Variants in COL4A5 observed in about 807,000 individuals in gnomAD.
COL4A5 encodes the protein collagen type IV alpha 5 chain, also known as collagen alpha-5(IV) chain.
COL4A5 carries 26 observed loss-of-function variants against 130.2 expected under a neutral mutation model. The ratio of observed to expected loss-of-function variants is 0.20; its 90% confidence interval spans 0.15 to 0.28. The LOEUF is 0.28. Ranked by LOEUF, COL4A5 falls within the 10% of genes least tolerant of loss-of-function variation. The pLI is 1.00. For synonymous variants in COL4A5, 496 were observed against 439.6 expected, an observed-to-expected ratio of 1.13 and a Z score of -1.60; for missense variants, 1,131 against 1,344.3, an observed-to-expected ratio of 0.84 and a Z score of 2.48.
At chrX:108,649,620 G>A (rs938999892) in intron 36 of COL4A5, among the ~76,000 whole-genome samples, 2 of 110,872 alleles carry the variant, frequency 1.8e-5, no homozygotes, top group African/African-American at 3.3e-5. Context: ...TACAGCCAAC[G>A]GATCTTAGAT....
chrX:108,575,254 C>T (rs73636516), intron 9 of COL4A5, among the ~76,000 whole-genome samples: 11,632 of 111,274 alleles, frequency 0.1, 1,305 homozygotes, highest in African/African-American at 0.34. Flanking sequence ...TGTCTTTAAT[C>T]TTATCTATTT....
chrX:108,566,521 A>C (rs2065973077), intron 4 of COL4A5, among the ~76,000 whole-genome samples: 1 of 109,018 alleles, frequency 9.2e-6, no homozygotes. Flanking sequence ...TTTAGATACC[A>C]CAGCCTGAAT....
chrX:108,621,365 A>T (rs993940393), intron 31 of COL4A5, among the ~76,000 whole-genome samples: 3 of 108,305 alleles, frequency 2.8e-5, no homozygotes, highest in Non-Finnish European at 5.8e-5. Flanking sequence ...GAGTCTCACT[A>T]TGTTGCCCAG....
chrX:108,661,800 G>C (rs1180000579), intron 37 of COL4A5, among the ~76,000 whole-genome samples: 1 of 111,270 alleles, frequency 9.0e-6, no homozygotes, highest in Non-Finnish European at 1.9e-5. Flanking sequence ...TTATAGCAGG[G>C]CTATTTCCAA....
In COL4A5 at chrX:108,606,891, A is replaced by G. The variant is rs281874691; in HGVS notation, c.2394A>G (p.Lys798=). The G allele has an allele frequency of 8.3e-7, 1 of 1,210,675 alleles. No individual in the cohort carries two copies. The highest frequency in any genetic ancestry group is 1.1e-6 in the Non-Finnish European group (1 of 894,638). Residue 798 remains lysine (K), a splice_region_variant and synonymous_variant, in exon 29 of 53, where the codon AAA becomes AAG. Transcript: ENST00000328300. ...GCTTAGATGGGCTCCCTGGACCAAA[A>G]GGTATGGAGGCTGTCACTGCATCTC... is the stretch of plus-strand genomic sequence containing the variant. The part of the protein sequence containing the change: ...RTGLDGLPGP[K]GDVGPNGQPG...
At chrX:108,559,185 G>T (rs1408434389) in intron 3 of COL4A5, 32 bp downstream of exon 3, 1 of 1,069,978 alleles carries the variant, frequency 9.3e-7, no homozygotes, top group Admixed American at 2.2e-5. Flanking sequence ...AGTAATGCCA[G>T]ATGAATTAAG....
intron 1 of COL4A5, among the ~76,000 whole-genome samples, chrX:108,463,156 A>G (rs1484345357): frequency 1.8e-5 from 2 of 112,017 alleles, no homozygotes; most frequent in East Asian, 5.5e-4. Context: ...TTCTTAGTAA[A>G]AAAAAGGAAG....
At chrX:108,634,180 A>G (rs190786117) in intron 36 of COL4A5, among the ~76,000 whole-genome samples, 2 of 107,177 alleles carry the variant, frequency 1.9e-5, no homozygotes, top group East Asian at 6.0e-4. Flanking sequence ...GATAATCAAA[A>G]GAGAAAATTA....
chrX:108,464,909 C>T (rs1410844949), intron 1 of COL4A5, among the ~76,000 whole-genome samples: 1 of 112,012 alleles, frequency 8.9e-6, no homozygotes, highest in Non-Finnish European at 1.9e-5. Context: ...AAAATATCAA[C>T]TTTATTGAGG....
chrX:108,543,681 C>G (rs1228927098), intron 2 of COL4A5, among the ~76,000 whole-genome samples: 36 of 111,640 alleles, frequency 3.2e-4, no homozygotes, highest in African/African-American at 1.2e-3. Context: ...GGCATTGAAT[C>G]TATAAATTAC....
chrX:108,502,810 G>A (rs771750247), intron 1 of COL4A5, among the ~76,000 whole-genome samples: 22 of 111,295 alleles, frequency 2.0e-4, no homozygotes, highest in Non-Finnish European at 3.0e-4. Context: ...CAACCCAGTT[G>A]CTCCACAGAA....
At chrX:108,529,858 TACG>T (rs1015195130) in intron 1 of COL4A5, among the ~76,000 whole-genome samples, 1 of 110,477 alleles carries the variant, frequency 9.1e-6, no homozygotes, top group African/African-American at 3.3e-5. Flanking sequence ...AGCAAGAAGA[TACG>T]ACAACTCCAA....
At position 108,563,913 on chromosome X, in the gene COL4A5, C is replaced by T. The variant is rs752096272; in HGVS notation, c.263C>T (p.Pro88Leu). 8.3e-7 allele frequency: 1 copy of T among 1,199,466 alleles called. No homozygotes were observed. Among genetic ancestry groups the T allele is most frequent in the East Asian group, 3.0e-5 (1 of 33,559 alleles). The change falls in exon 4 of 53, where the codon CCA becomes CTA. Residue 88 changes from proline (P) to leucine (L), a missense_variant. By Grantham distance (98) the Pro-to-Leu change is moderately conservative. Coordinates refer to ENST00000328300, the MANE Select transcript of COL4A5 (RefSeq NM_033380.3). Reference sequence around the variant, plus strand: ...GATGGAATTCCAGGGCCACCAGGACCAAAAGGAATCAGAGTAAGTAGTATT... The same window carrying T: ...GATGGAATTCCAGGGCCACCAGGACTAAAAGGAATCAGAGTAAGTAGTATT... The part of the protein sequence containing the change: ...GDDGIPGPPG[P>L]KGIRGPPGLP...
chrX:108,667,329 T>C (rs1243151074), intron 40 of COL4A5, 146 bp downstream of exon 40: 1 of 510,966 alleles, frequency 2.0e-6, no homozygotes, highest in Non-Finnish European at 3.3e-6. Flanking sequence ...CGTTAAAACA[T>C]TTATTATTTA....
rs750340696 is a variant in COL4A5, at chrX:108,624,305, G to A, written c.2987G>A (p.Ser996Asn). 4.1e-6 allele frequency: 5 copies of A among 1,208,738 alleles called. No homozygotes were observed. The highest frequency in any genetic ancestry group is 5.6e-6 in the Non-Finnish European group (5 of 894,195). The part of the protein sequence containing the change: ...LPGDPGQPGL[S>N]GQPGLPGPPG... ...GGAGACCCAGGGCAACCTGGACTGA[G>A]TGGACAACCTGGATTACCAGGACCA... is the stretch of plus-strand genomic sequence containing the variant. Residue 996 changes from serine to asparagine, a missense_variant, in exon 34 of 53, where the codon AGT becomes AAT. Transcript: ENST00000328300.
chrX:108,488,289 A>G, intron 1 of COL4A5, among the ~76,000 whole-genome samples: 1 of 113,090 alleles, frequency 8.8e-6, no homozygotes, highest in Non-Finnish European at 1.9e-5. Context: ...CTATGGCTAC[A>G]TGGTATTATT....
intron 41 of COL4A5, among the ~76,000 whole-genome samples, chrX:108,669,451 A>G (rs1228234672): frequency 8.9e-6 from 1 of 112,106 alleles, no homozygotes; most frequent in Non-Finnish European, 1.9e-5. Context: ...ATTAAATGGG[A>G]TCACATACTG....
intron 30 of COL4A5, among the ~76,000 whole-genome samples, chrX:108,619,810 T>A (rs978496788): frequency 3.6e-5 from 4 of 112,192 alleles, no homozygotes; most frequent in Non-Finnish European, 7.5e-5. Flanking sequence ...TAGACCAGTG[T>A]CAAATAATCT....
intron 1 of COL4A5, among the ~76,000 whole-genome samples, chrX:108,470,319 T>C (rs34933136): frequency 0.014 from 1,522 of 112,024 alleles, 13 homozygotes; most frequent in Non-Finnish European, 0.019. Flanking sequence ...TGTTTTGTTT[T>C]GCTTTTTAAT....
Sources: gnomAD v4.1 joint callset for allele counts (sites outside exome capture counted in the v4.1 genomes callset) on GRCh38, gnomAD v4.1.1 for gene constraint, MANE v1.5 for transcripts, NCBI Gene and HGNC (gene_info 2026-07-23, HGNC 2026-07-21) for gene names.